Variants in DDAH1 observed in about 807,000 individuals in gnomAD.
DDAH1 encodes N(G),N(G)-dimethylarginine dimethylaminohydrolase 1.
DDAH1 carries 19 observed loss-of-function variants against 28.8 expected under a neutral mutation model. The observed-to-expected ratio is 0.66, with a 90% confidence interval of 0.46 to 0.97. The LOEUF is 0.97. Ranked by LOEUF, DDAH1 falls within the 50% of genes least tolerant of loss-of-function variation. DDAH1 has a pLI of 0.00. For synonymous variants in DDAH1, 153 were observed against 154.4 expected, an observed-to-expected ratio of 0.99 and a Z score of 0.07; for missense variants, 326 against 375.9, an observed-to-expected ratio of 0.87 and a Z score of 1.10.
At chr1:85,510,634 G>A (rs1297035455) in intron 1 of DDAH1, among the ~76,000 whole-genome samples, 2 of 151,976 alleles carry the variant, frequency 1.3e-5, no homozygotes, top group Non-Finnish European at 2.9e-5. Context: ...ACATAGACTC[G>A]AAATAAAGGG....
At chr1:85,353,633 T>C (rs1316505966) in intron 2 of DDAH1, among the ~76,000 whole-genome samples, 1 of 152,150 alleles carries the variant, frequency 6.6e-6, no homozygotes, top group East Asian at 1.9e-4. Context: ...ATGCACTTTA[T>C]TAAATAGTCA....
chr1:85,387,324 A>G lies in DDAH1; in HGVS notation c.304-28477T>C, dbSNP rs564746103. The stretch of plus-strand genomic sequence containing the variant: ...AACTTAAGCTCATTCCTTTGCTCCC[A>G]TATCTGATTATAGGCTGTTAGAAGC... On this transcript the variant is annotated intron_variant, in intron 1 of 5. Coordinates refer to ENST00000284031, the MANE Select transcript of DDAH1 (RefSeq NM_012137.4). Among the ~76,000 whole-genome samples, 4 of 152,262 alleles carry G rather than the reference A, an allele frequency of 2.6e-5. No individual in the cohort carries two copies. The East Asian group carries it at 5.8e-4, about 22-fold the overall frequency.
intron 2 of DDAH1, among the ~76,000 whole-genome samples, chr1:85,490,502 C>A (rs181058932): frequency 8.6e-4 from 131 of 152,296 alleles, no homozygotes; most frequent in Non-Finnish European, 1.5e-3. Context: ...CCCAGCAAAG[C>A]CATTAAGCAA....
At chr1:85,402,978 G>T (rs1652218672) in intron 1 of DDAH1, among the ~76,000 whole-genome samples, 1 of 151,402 alleles carries the variant, frequency 6.6e-6, no homozygotes, top group South Asian at 2.1e-4. Flanking sequence ...AACCTCCACA[G>T]ATACCTGTTT....
intron 1 of DDAH1, among the ~76,000 whole-genome samples, chr1:85,505,701 A>T (rs182245866): frequency 6.2e-4 from 94 of 152,328 alleles, no homozygotes; most frequent in Non-Finnish European, 9.1e-4. Flanking sequence ...ATACTCTATT[A>T]TCATTATCTG....
In DDAH1 at chr1:85,464,523, A is replaced by C; in HGVS notation, c.303+220T>G. ...GCCCGAGACCGTACAACCACATTGA[A>C]TCGGATCCTCCAGAAGGCTGCCGGC... On this transcript the variant is annotated intron_variant, in intron 1 of 5. Coordinates refer to ENST00000284031, the MANE Select transcript of DDAH1 (RefSeq NM_012137.4). This position sits in a 1 kb window ranked among gnomAD's most constrained non-coding sequence, Gnocchi z 4.4. 1 of 1,527,324 alleles carries C rather than the reference A, an allele frequency of 6.5e-7. No individual in the cohort carries two copies. The highest frequency in any genetic ancestry group is 2.5e-5 in the East Asian group (1 of 40,390). The allele number at this position is 1,527,324 out of a possible 1,614,324, so 94.6% of individuals were successfully genotyped here. A position where few individuals can be genotyped will look rare whatever the true frequency, so the allele number is the denominator to read the frequency against.
chr1:85,467,116 C>G (rs1655416590), upstream of DDAH1, among the ~76,000 whole-genome samples: 1 of 152,084 alleles, frequency 6.6e-6, no homozygotes. Context: ...GGATTACAGG[C>G]GTGAGCCACT....
chr1:85,465,886 G>A (rs371334129), upstream of DDAH1, among the ~76,000 whole-genome samples: 10 of 152,206 alleles, frequency 6.6e-5, no homozygotes, highest in African/African-American at 1.4e-4. Context: ...CAATTTGCTT[G>A]TATCCTTTTA....
At chr1:85,509,140 A>G (rs111393408) in intron 1 of DDAH1, among the ~76,000 whole-genome samples, 1,658 of 152,280 alleles carry the variant, frequency 0.011, 31 homozygotes, top group African/African-American at 0.038. Context: ...TCAGGCAACA[A>G]TATTTGCTGT....
In DDAH1 at chr1:85,374,733, T is replaced by C. The variant is rs1245758713; in HGVS notation, c.304-15886A>G. 2.6e-5 allele frequency among the ~76,000 whole-genome samples: 4 copies of C among 152,116 alleles called. No individual in the cohort carries two copies. The East Asian group carries it at 5.8e-4, about 22-fold the overall frequency. On this transcript the variant is annotated intron_variant, in intron 1 of 5. Transcript: ENST00000284031. ...TTTTTTGCTCATACTGTTATAAAAT[T>C]ATACTATAAGCACAAACATAGTTAA...
At chr1:85,386,298 A>G (rs1046070489) in intron 1 of DDAH1, among the ~76,000 whole-genome samples, 8 of 152,224 alleles carry the variant, frequency 5.3e-5, no homozygotes, top group Non-Finnish European at 8.8e-5. Flanking sequence ...AGCCTGTACC[A>G]TCAAAGACAA....
intron 1 of DDAH1, among the ~76,000 whole-genome samples, chr1:85,508,856 G>A (rs915455006): frequency 6.6e-6 from 1 of 152,196 alleles, no homozygotes; most frequent in Non-Finnish European, 1.5e-5. Context: ...GCTCAACAAG[G>A]CCTACTGCCT....
intron 1 of DDAH1, among the ~76,000 whole-genome samples, chr1:85,446,021 G>A (rs1162404860): frequency 6.6e-6 from 1 of 152,164 alleles, no homozygotes; most frequent in Non-Finnish European, 1.5e-5. Flanking sequence ...ATCAGGAACA[G>A]CCAGACACTT....
intron 4 of DDAH1, among the ~76,000 whole-genome samples, chr1:85,336,546 A>C (rs1046417525): frequency 6.6e-6 from 1 of 152,140 alleles, no homozygotes; most frequent in Admixed American, 6.5e-5. Context: ...CATTGTTACA[A>C]GGGAAATTTA....
chr1:85,419,348 G>A (rs1653026633), intron 1 of DDAH1, among the ~76,000 whole-genome samples: 1 of 151,834 alleles, frequency 6.6e-6, no homozygotes, highest in Non-Finnish European at 1.5e-5. Flanking sequence ...AGACCACCCT[G>A]ACCAATATGA....
chr1:85,539,293 C>T (rs1395098789), intron 1 of DDAH1, among the ~76,000 whole-genome samples: 1 of 152,092 alleles, frequency 6.6e-6, no homozygotes, highest in African/African-American at 2.4e-5. Context: ...ATGACAGGCT[C>T]CCGCCACCAT....
chr1:85,476,617 C>T (rs1351104030), intron 2 of DDAH1, among the ~76,000 whole-genome samples: 1 of 152,086 alleles, frequency 6.6e-6, no homozygotes, highest in African/African-American at 2.4e-5. Flanking sequence ...GAAGTGGAAG[C>T]TGCCGTGCTC....
intron 4 of DDAH1, among the ~76,000 whole-genome samples, chr1:85,334,209 T>A (rs1236919133): frequency 1.3e-5 from 2 of 152,214 alleles, no homozygotes; most frequent in Non-Finnish European, 2.9e-5. Context: ...CCTGCTGCCT[T>A]GTGAAGAAGG....
intron 1 of DDAH1, among the ~76,000 whole-genome samples, chr1:85,384,337 C>T (rs577432369): frequency 6.6e-6 from 1 of 152,164 alleles, no homozygotes; most frequent in Non-Finnish European, 1.5e-5. Flanking sequence ...ATCTCCAGTA[C>T]TCTGCCCTGC....
Sources: gnomAD v4.1 joint callset for allele counts (sites outside exome capture counted in the v4.1 genomes callset) on GRCh38, gnomAD v4.1.1 for gene constraint, Gnocchi (gnomAD v3.1) non-coding constraint, MANE v1.5 for transcripts, NCBI Gene and HGNC (gene_info 2026-07-23, HGNC 2026-07-21) for gene names.